The following ALDH18A1 variants were observed in gnomAD, a reference collection of about 807,000 sequenced individuals.
The protein encoded by ALDH18A1 is aldehyde dehydrogenase 18 family member A1.
ALDH18A1 carries 44 observed loss-of-function variants against 88.8 expected under a neutral mutation model. That is an observed-to-expected ratio of 0.50 (90% CI 0.39 to 0.64). The LOEUF (loss-of-function observed/expected upper bound fraction) is 0.64. Among genes scored for constraint, ALDH18A1 ranks in the 30% least tolerant of loss-of-function variants. ALDH18A1 has a pLI of 0.00. For synonymous variants in ALDH18A1, 331 were observed against 372.1 expected (o/e 0.89, Z 1.27); for missense variants, 782 against 1,009.5 (o/e 0.77, Z 3.05).
In ALDH18A1 at chr10:95,606,588, C is replaced by A. The variant is rs2097823131; in HGVS notation, c.*174G>T. The A allele has an allele frequency of 1.3e-6, 2 of 1,546,814 alleles. No individual in the cohort carries two copies. The highest frequency in any genetic ancestry group is 2.3e-5 in the East Asian group (1 of 44,096). Reference sequence around the variant, plus strand: ...AAAAAAGGGTGAGCTGGGAGCCAGACTGTGCACATCAGCCAAGACTGCTAT... The same window carrying A: ...AAAAAAGGGTGAGCTGGGAGCCAGAATGTGCACATCAGCCAAGACTGCTAT... On this transcript the variant is annotated 3_prime_UTR_variant, in exon 18 of 18. Transcript: ENST00000371224.
rs1337882726 is a variant in ALDH18A1 at position 95,621,237 on chromosome 10, G to A, written c.1261C>T (p.Pro421Ser). Residue 421 changes from proline (P) to serine (S), a missense_variant, in exon 12 of 18, where the codon CCT becomes TCT. Physicochemically the swap from Pro to Ser is moderately conservative, Grantham distance 74. This residue lies in a region of ALDH18A1 where 556 missense variants were observed against 654.5 expected (regional missense o/e 0.85). Transcript: ENST00000371224. ...GAGAGGCTTAAACGTTTCAGCAGAG[G>A]AGCTGCAAGTCTCCCTGAAAAGCCA... is the stretch of plus-strand genomic sequence containing the variant. ...LEEAEGRLAA[P>S]LLKRLSLSTS... The A allele has an allele frequency of 6.2e-7, 1 of 1,613,114 alleles. No homozygotes were observed. Among genetic ancestry groups the A allele is most frequent in the African/African-American group, 1.3e-5 (1 of 74,974 alleles).
intron 11 of ALDH18A1, 44 bp downstream of exon 11, chr10:95,625,318 G>C: frequency 6.5e-7 from 1 of 1,528,560 alleles, no homozygotes; most frequent in Non-Finnish European, 9.1e-7. Context: ...CCAAAATAAT[G>C]CACACCCCTC....
At chr10:95,614,312 C>T (rs1460002660) in intron 13 of ALDH18A1, 151 bp from the exon 14 acceptor site, 5 of 854,140 alleles carry the variant, frequency 5.9e-6, no homozygotes, top group East Asian at 5.2e-5. Context: ...ATTAAGTTCC[C>T]GATCATGGGA....
intron 12 of ALDH18A1, among the ~76,000 whole-genome samples, chr10:95,617,294 C>A (rs1006080140): frequency 2.0e-5 from 3 of 152,248 alleles, no homozygotes; most frequent in African/African-American, 7.2e-5. Context: ...GCCAGGGCCA[C>A]ATGGCACCCC....
Position 95,616,604 on chromosome 10 carries a change from A to C in ALDH18A1, c.1478T>G (p.Leu493Trp). ...RPDCLPQVAA[L>W]AIASGNGLLL... ...CAAGCCATTGCCACTTGCGATAGCC[A>C]AAGCTGCCACCTGCAGATCAAAGGG... Residue 493 changes from leucine (L) to tryptophan (W), a missense_variant, in exon 13 of 18, where the codon TTG (leucine) becomes TGG (tryptophan). This residue lies in a region of ALDH18A1 where 556 missense variants were observed against 654.5 expected (regional missense o/e 0.85). Coordinates refer to ENST00000371224, the MANE Select transcript of ALDH18A1 (RefSeq NM_002860.4). 1 of 1,607,106 alleles carries C rather than the reference A, an allele frequency of 6.2e-7. No homozygotes were observed. The highest frequency in any genetic ancestry group is 8.5e-7 in the Non-Finnish European group (1 of 1,176,868).
intron 3 of ALDH18A1, among the ~76,000 whole-genome samples, chr10:95,639,939 A>G (rs151182367): frequency 2.0e-5 from 3 of 151,678 alleles, no homozygotes; most frequent in African/African-American, 7.2e-5. Context: ...TTTTTCCCCA[A>G]CAAGTCTTTA....
chr10:95,624,369 G>T (rs1261686316), intron 11 of ALDH18A1, among the ~76,000 whole-genome samples: 1 of 152,180 alleles, frequency 6.6e-6, no homozygotes, highest in Non-Finnish European at 1.5e-5. Context: ...TTAAATTAAT[G>T]AGTGGATAGT....
At chr10:95,616,831 C>T in intron 12 of ALDH18A1, 1 of 644,274 alleles carries the variant, frequency 1.6e-6, no homozygotes, top group Non-Finnish European at 2.7e-6. Flanking sequence ...GCTGATGACT[C>T]CCCGAAGTCA....
chr10:95,644,091 C>A (rs2097896853), intron 2 of ALDH18A1, among the ~76,000 whole-genome samples: 1 of 152,120 alleles, frequency 6.6e-6, no homozygotes, highest in Non-Finnish European at 1.5e-5. Flanking sequence ...TGCAGTGAGC[C>A]AAGATCGTGC....
chr10:95,628,205 G>T (rs537418014), intron 8 of ALDH18A1, among the ~76,000 whole-genome samples, 163 bp downstream of exon 8: 86 of 152,262 alleles, frequency 5.6e-4, no homozygotes, highest in African/African-American at 1.9e-3. Flanking sequence ...CCAAATGTTG[G>T]AATGCAACAC....
rs560442023 is a variant in ALDH18A1, at chr10:95,607,153, AGT to A, written c.2207-212_2207-211del. Among the ~76,000 whole-genome samples the A allele has an allele frequency of 5.9e-5, 9 of 152,302 alleles. No homozygotes were observed. The East Asian group carries it at 1.7e-3, about 29-fold the overall frequency. ...CATGATACACTCCTTCTCGTGAAAC[AGT>A]GTGTGGACTCTTCTTCTGTATTTTA... On this transcript the variant is annotated intron_variant, in intron 17 of 17. Coordinates refer to ENST00000371224, the MANE Select transcript of ALDH18A1 (RefSeq NM_002860.4).
At position 95,621,199 on chromosome 10, in the gene ALDH18A1, C is replaced by T; in HGVS notation, c.1299G>A (p.Leu433=). ...GTCGCAGACCGATGGCCAGGCTGTT[C>T]AATTTGGATGTGGAGAGGCTTAAAC... ...LKRLSLSTSK[L]NSLAIGLRQI... is the part of the protein sequence containing the mutation. Residue 433 remains leucine (L), a synonymous_variant, in exon 12 of 18, where the codon TTG becomes TTA. Coordinates refer to ENST00000371224, the MANE Select transcript of ALDH18A1 (RefSeq NM_002860.4). 1 of 1,613,924 alleles carries T rather than the reference C, an allele frequency of 6.2e-7. No individual in the cohort carries two copies. The highest frequency in any genetic ancestry group is 8.5e-7 in the Non-Finnish European group (1 of 1,180,002).
intron 11 of ALDH18A1, among the ~76,000 whole-genome samples, chr10:95,625,122 T>A (rs370321189): frequency 6.6e-6 from 1 of 152,114 alleles, no homozygotes; most frequent in African/African-American, 2.4e-5. Flanking sequence ...CTGACCGCCA[T>A]AGTAGCCACA....
At position 95,613,753 on chromosome 10, in the gene ALDH18A1, T is replaced by C; in HGVS notation, c.1912A>G (p.Arg638Gly). The change falls in exon 15 of 18, where the codon AGA (arginine) becomes GGA (glycine). Residue 638 changes from arginine (R) to glycine (G), a missense_variant. By Grantham distance (125) the Arg-to-Gly change is moderately radical (BLOSUM62 -2). Around this residue, in one of 3 missense-constraint regions of ALDH18A1, gnomAD observed 556 missense variants for 654.5 expected, o/e 0.85. Transcript: ENST00000371224. ...TATGGAACTCTTACCTGTTCCACTCTCAGCATATCAATGATCTGGTCAAAT... is the reference window on the plus strand; with the variant it reads ...TATGGAACTCTTACCTGTTCCACTCCCAGCATATCAATGATCTGGTCAAAT... ...PLFDQIIDML[R>G]VEQVKIHAGP... is the part of the protein sequence containing the mutation. The C allele has an allele frequency of 6.2e-7, 1 of 1,614,166 alleles. No individual in the cohort carries two copies. Among genetic ancestry groups the C allele is most frequent in the Non-Finnish European group, 8.5e-7 (1 of 1,180,014 alleles).
At chr10:95,624,123 C>T (rs2097857178) in intron 11 of ALDH18A1, among the ~76,000 whole-genome samples, 1 of 152,368 alleles carries the variant, frequency 6.6e-6, no homozygotes, top group African/African-American at 2.4e-5. Context: ...GGGCGTGAGC[C>T]ACTGTGCCTG....
At chr10:95,655,480 A>G (rs1418950734) in intron 1 of ALDH18A1, among the ~76,000 whole-genome samples, 2 of 152,176 alleles carry the variant, frequency 1.3e-5, no homozygotes, top group South Asian at 2.1e-4. Context: ...AATCACACAC[A>G]TATATTGACT....
chr10:95,630,593 C>T (rs567237516), intron 7 of ALDH18A1, among the ~76,000 whole-genome samples: 3 of 152,230 alleles, frequency 2.0e-5, no homozygotes, highest in South Asian at 4.2e-4. Flanking sequence ...CACCTGTAAT[C>T]CCAGCTACTA....
chr10:95,635,070 T>TA (rs2097878033), intron 5 of ALDH18A1, among the ~76,000 whole-genome samples: 1 of 152,172 alleles, frequency 6.6e-6, no homozygotes. Context: ...ACTCACTCGA[T>TA]AAAAAATTTG....
chr10:95,635,658 G>T (rs1248042502), intron 5 of ALDH18A1, among the ~76,000 whole-genome samples: 1 of 152,218 alleles, frequency 6.6e-6, no homozygotes, highest in Non-Finnish European at 1.5e-5. Context: ...GGAAGACACA[G>T]GTGTGAGAGG....
Sources: allele counts gnomAD v4.1 joint callset (sites outside exome capture counted in the v4.1 genomes callset), GRCh38; gene constraint gnomAD v4.1.1; regional missense constraint gnomAD v4.1.1; transcripts MANE v1.5; gene names NCBI Gene and HGNC (gene_info 2026-07-23, HGNC 2026-07-21).